MDGA2: variants seen among roughly 807,000 people sequenced by gnomAD.
MDGA2 encodes the protein MAM domain-containing glycosylphosphatidylinositol anchor protein 2.
In MDGA2, 40 loss-of-function variants were observed where a neutral mutation model predicts 117.8. That is an observed-to-expected ratio of 0.34 (90% CI 0.26 to 0.44). The LOEUF (loss-of-function observed/expected upper bound fraction) is 0.44, where lower values mean the gene tolerates loss of function less well. MDGA2 is among the 20% of genes least tolerant of loss of function. The pLI is 1.00. For synonymous variants in MDGA2, 452 were observed against 439.0 expected (o/e 1.03, Z -0.37); for missense variants, 1,123 against 1,250.6 (o/e 0.90, Z 1.54).
At chr14:47,017,319 A>G (rs544625414) in intron 8 of MDGA2, among the ~76,000 whole-genome samples, 63 of 151,978 alleles carry the variant, frequency 4.1e-4, no homozygotes, top group African/African-American at 1.5e-3. Flanking sequence ...AAAAAGAAGA[A>G]GAAAATTTAA....
intron 2 of MDGA2, among the ~76,000 whole-genome samples, chr14:47,285,331 A>G (rs72680290): frequency 0.091 from 13,800 of 151,854 alleles, 779 homozygotes; most frequent in Non-Finnish European, 0.11. Context: ...TACTAAATTG[A>G]TTTTTTTTCC....
At chr14:46,956,345 A>G (rs58306099) in intron 9 of MDGA2, among the ~76,000 whole-genome samples, 17,816 of 151,964 alleles carry the variant, frequency 0.12, 1,966 homozygotes, top group African/African-American at 0.27. Context: ...TAAATAATGT[A>G]CAGTATATAG....
intron 9 of MDGA2, among the ~76,000 whole-genome samples, chr14:46,945,999 T>G (rs146395448): frequency 1.4e-3 from 209 of 152,162 alleles, no homozygotes; most frequent in Non-Finnish European, 2.8e-3. Flanking sequence ...AAGTAGATAG[T>G]GTTGCTTAAA....
intron 14 of MDGA2, among the ~76,000 whole-genome samples, chr14:46,865,942 A>G (rs1881738395): frequency 6.6e-6 from 1 of 151,592 alleles, no homozygotes; most frequent in Admixed American, 6.6e-5. Context: ...GGAAGAATCA[A>G]TATCATGAAA....
intron 1 of MDGA2, among the ~76,000 whole-genome samples, chr14:47,429,115 C>G (rs948269814): frequency 6.6e-6 from 1 of 151,080 alleles, no homozygotes; most frequent in Non-Finnish European, 1.5e-5. Flanking sequence ...ATCCCAGCTA[C>G]GTGGGAAGCT....
At chr14:47,351,066 C>A (rs1242107957) in intron 1 of MDGA2, among the ~76,000 whole-genome samples, 1 of 140,304 alleles carries the variant, frequency 7.1e-6, no homozygotes, top group South Asian at 2.5e-4. Flanking sequence ...TCAGTGCCAC[C>A]AGGCCCGGCT....
At chr14:47,607,432 G>A (rs1174586286) in intron 1 of MDGA2, among the ~76,000 whole-genome samples, 1 of 152,016 alleles carries the variant, frequency 6.6e-6, no homozygotes, top group African/African-American at 2.4e-5. Flanking sequence ...TATTTTAGTT[G>A]CTATATATCA....
chr14:47,381,521 T>C (rs1194176588), intron 1 of MDGA2, among the ~76,000 whole-genome samples: 1 of 152,174 alleles, frequency 6.6e-6, no homozygotes, highest in East Asian at 1.9e-4. Context: ...AGTCTCAGGA[T>C]ACAAAATCAA....
At chr14:47,056,573 C>T (rs1006970165) in intron 7 of MDGA2, among the ~76,000 whole-genome samples, 2 of 152,082 alleles carry the variant, frequency 1.3e-5, no homozygotes, top group African/African-American at 4.8e-5. Flanking sequence ...ATGGGAATTC[C>T]ACAGATCAGC....
At chr14:46,908,195 G>T (rs908068480) in intron 10 of MDGA2, among the ~76,000 whole-genome samples, 6 of 152,110 alleles carry the variant, frequency 3.9e-5, no homozygotes, top group African/African-American at 1.4e-4. Flanking sequence ...AGCTAAAAAT[G>T]TAAAACAAAA....
rs190275014 is a variant in MDGA2, at chr14:47,025,775, G to A, written c.1819+9236C>T. 4.6e-5 allele frequency among the ~76,000 whole-genome samples: 7 copies of A among 152,082 alleles called. No homozygotes were observed. In the East Asian group the frequency reaches 1.2e-3, roughly 25 times the overall value. ...TTGGAAGACTGCCATATGTGTTTGG[G>A]ACAATTAGCAGTAGCCATGGTCTCT... On this transcript the variant is annotated intron_variant, in intron 8 of 16. Coordinates refer to ENST00000399232, the MANE Select transcript of MDGA2 (RefSeq NM_001113498.3).
At chr14:47,252,524 T>C (rs1229285799) in intron 2 of MDGA2, among the ~76,000 whole-genome samples, 1 of 152,194 alleles carries the variant, frequency 6.6e-6, no homozygotes, top group Non-Finnish European at 1.5e-5. Flanking sequence ...TTTAAAACTA[T>C]GCAAGAAACA....
At chr14:47,074,165 G>T (rs11157538) in intron 6 of MDGA2, among the ~76,000 whole-genome samples, 1 of 151,742 alleles carries the variant, frequency 6.6e-6, no homozygotes, top group Non-Finnish European at 1.5e-5. Context: ...ATATAATACA[G>T]AAAGTCTTTC....
chr14:47,669,019 T>C (rs1475035756), intron 1 of MDGA2, among the ~76,000 whole-genome samples: 1 of 152,144 alleles, frequency 6.6e-6, no homozygotes, highest in Non-Finnish European at 1.5e-5. Flanking sequence ...CCCAAAACCA[T>C]GGTTCCTGAC....
intron 9 of MDGA2, among the ~76,000 whole-genome samples, chr14:46,931,753 C>T (rs1414283645): frequency 6.6e-6 from 1 of 151,952 alleles, no homozygotes; most frequent in African/African-American, 2.4e-5. Context: ...GAACTCCTGA[C>T]CTCAGGTGAT....
intron 1 of MDGA2, among the ~76,000 whole-genome samples, chr14:47,445,125 G>T (rs1290167766): frequency 6.6e-6 from 1 of 152,110 alleles, no homozygotes; most frequent in Non-Finnish European, 1.5e-5. Flanking sequence ...GTGGACAAAA[G>T]TAAGAACAGA....
At chr14:47,175,598 T>A (rs1354642083) in intron 3 of MDGA2, among the ~76,000 whole-genome samples, 9 of 151,932 alleles carry the variant, frequency 5.9e-5, no homozygotes, top group East Asian at 1.9e-4. Flanking sequence ...AAAATTCAAC[T>A]ACCCTTCATG....
chr14:47,076,547 ATGAG>A (rs1197236196), intron 6 of MDGA2, among the ~76,000 whole-genome samples: 1 of 119,814 alleles, frequency 8.3e-6, no homozygotes, highest in Non-Finnish European at 1.7e-5. Flanking sequence ...TGTGTTATGT[ATGAG>A]TGTGTGTTAT....
At chr14:47,212,332 G>A (rs1054773980) in intron 3 of MDGA2, among the ~76,000 whole-genome samples, 1 of 152,114 alleles carries the variant, frequency 6.6e-6, no homozygotes, top group African/African-American at 2.4e-5. Context: ...ATAATGATCT[G>A]CTAAAATTTG....
Sources: allele counts gnomAD v4.1 joint callset (sites outside exome capture counted in the v4.1 genomes callset), GRCh38; gene constraint gnomAD v4.1.1; transcripts MANE v1.5; gene names NCBI Gene and HGNC (gene_info 2026-07-23, HGNC 2026-07-21).